The following KCNT1 variants were observed in gnomAD, a reference collection of about 807,000 sequenced individuals.
KCNT1 encodes potassium channel subfamily T member 1.
A neutral mutation model predicts 147.8 loss-of-function variants in KCNT1; 78 were observed. That is an observed-to-expected ratio of 0.53 (90% CI 0.44 to 0.64). The LOEUF (loss-of-function observed/expected upper bound fraction) is 0.64. Among genes scored for constraint, KCNT1 ranks in the 30% least tolerant of loss-of-function variants. The probability of loss-of-function intolerance (pLI) is 0.00; values close to 1 mark genes in which losing one functional copy is unlikely to be tolerated. For missense variants in KCNT1, 1,419 were observed against 1,750.3 expected, an observed-to-expected ratio of 0.81 and a Z score of 3.38; for synonymous variants, 867 against 748.8, an observed-to-expected ratio of 1.16 and a Z score of -2.58.
chr9:135,754,719 C>G (rs889444273), intron 5 of KCNT1, among the ~76,000 whole-genome samples: 1 of 152,178 alleles, frequency 6.6e-6, no homozygotes, highest in Non-Finnish European at 1.5e-5. Context: ...TCATGGGAGC[C>G]CGGCTTCAGG....
intron 19 of KCNT1, among the ~76,000 whole-genome samples, chr9:135,774,424 GTGT>G: frequency 7.3e-6 from 1 of 137,042 alleles, no homozygotes; most frequent in South Asian, 2.3e-4. Context: ...GTGTGTCTGT[GTGT>G]TGTGTGGTGT....
intron 29 of KCNT1, chr9:135,788,011 C>T (rs1834202896): frequency 4.1e-6 from 4 of 973,146 alleles, no homozygotes; most frequent in Non-Finnish European, 5.0e-6. Flanking sequence ...GCCCCTGCAC[C>T]CGCCCACTGT....
In KCNT1 at chr9:135,770,315, C is replaced by T. The variant is rs770986306; in HGVS notation, c.1637C>T (p.Pro546Leu). The change falls in exon 17 of 31, where the codon CCG becomes CTG. Residue 546 changes from proline to leucine, a missense_variant. This residue lies in a region of KCNT1 where 401 missense variants were observed against 610.6 expected (regional missense o/e 0.66). Coordinates refer to ENST00000371757, the MANE Select transcript of KCNT1 (RefSeq NM_020822.3). ...GCCCACAGGGAGGGACAGGAGTCTCCGGAGCAGTGGCAGCGCATGTATGGG... is the reference window on the plus strand; with the variant it reads ...GCCCACAGGGAGGGACAGGAGTCTCTGGAGCAGTGGCAGCGCATGTATGGG... Reference protein sequence around the residue: ...TSRGQEGQESPEQWQRMYGRC... With the variant: ...TSRGQEGQESLEQWQRMYGRC... The T allele has an allele frequency of 2.7e-5, 44 of 1,606,868 alleles. No individual in the cohort carries two copies. The highest frequency in any genetic ancestry group is 1.1e-4 in the East Asian group (5 of 44,812).
At chr9:135,791,974 C>T (rs1391029679) in intron 30 of KCNT1, 67 bp from the exon 31 acceptor site, 1 of 1,607,440 alleles carries the variant, frequency 6.2e-7, no homozygotes, top group Non-Finnish European at 8.5e-7. Context: ...TGGGGCCGCT[C>T]AGCAGAGGGC....
intron 13 of KCNT1, among the ~76,000 whole-genome samples, chr9:135,768,261 TGGGATACCGGTGGGGGGGGCACA>T (rs751199004): frequency 0.5 from 3,491 of 6,964 alleles, 603 homozygotes; most frequent in Admixed American, 0.57. Flanking sequence ...GGGGGGGCAC[TGGGATACCGGTGGGGGGGGCACA>T]GGGATGCCTG....
intron 2 of KCNT1, among the ~76,000 whole-genome samples, chr9:135,736,049 A>T (rs1830323638): frequency 6.6e-6 from 1 of 152,244 alleles, no homozygotes; most frequent in Admixed American, 6.5e-5. Flanking sequence ...CCAGCCTGGC[A>T]TACAGGCACC....
chr9:135,742,344 G>A (rs548937014), intron 2 of KCNT1, among the ~76,000 whole-genome samples: 11 of 152,338 alleles, frequency 7.2e-5, no homozygotes, highest in South Asian at 6.2e-4. Flanking sequence ...GGCTGGCTTC[G>A]TGCTGAGCAG....
intron 16 of KCNT1, 31 bp from the exon 17 acceptor site, chr9:135,770,267 G>A (rs373404220): frequency 1.5e-4 from 234 of 1,562,336 alleles, no homozygotes; most frequent in African/African-American, 1.4e-3. Context: ...GGCCGAGGGT[G>A]ACGCTCCCCT....
At chr9:135,707,879 C>G (rs566905563) in intron 1 of KCNT1, among the ~76,000 whole-genome samples, 85 of 152,330 alleles carry the variant, frequency 5.6e-4, no homozygotes, top group African/African-American at 2.0e-3. Context: ...GTGTTCTGAG[C>G]TTTCACTTTG....
chr9:135,786,558 G>A (rs1427466963), intron 29 of KCNT1, 37 bp downstream of exon 29: 4 of 1,523,422 alleles, frequency 2.6e-6, no homozygotes, highest in African/African-American at 1.4e-5. Flanking sequence ...CCGGACGGAC[G>A]GACTGGGCCA....
chr9:135,754,602 GC>G (rs1831369740), intron 5 of KCNT1, among the ~76,000 whole-genome samples: 2 of 152,322 alleles, frequency 1.3e-5, no homozygotes, highest in East Asian at 1.9e-4. Flanking sequence ...GGAGCAGATG[GC>G]CCCCTGCAGC....
At chr9:135,736,883 C>CG (rs1436104276) in intron 2 of KCNT1, 1 of 281,172 alleles carries the variant, frequency 3.6e-6, no homozygotes, top group East Asian at 5.4e-5. Context: ...GCCTGCAGCC[C>CG]GGGGAAGGGG....
At chr9:135,732,147 T>C (rs1327626670) in intron 2 of KCNT1, among the ~76,000 whole-genome samples, 2 of 150,878 alleles carry the variant, frequency 1.3e-5, no homozygotes, top group Admixed American at 1.3e-4. Context: ...GCCTCCCCAG[T>C]AGCTGGGATT....
rs1248555867 is a variant in KCNT1, at chr9:135,714,446, GCCGCCCGC to G, written c.111-123_111-116del. On this transcript the variant is annotated intron_variant, in intron 1 of 30. Coordinates refer to ENST00000371757, the MANE Select transcript of KCNT1 (RefSeq NM_020822.3). This position sits in a 1 kb window ranked among gnomAD's most constrained non-coding sequence, Gnocchi z 6.2. Reference sequence around the variant, plus strand: ...GTGCCGCCAGGCCCGCCCCCGCCCGGCCGCCCGCCCGCCCGGTGGGTCGCGGTGGCCGC... The same window carrying G: ...GTGCCGCCAGGCCCGCCCCCGCCCGGCCGCCCGGTGGGTCGCGGTGGCCGC... The G allele has an allele frequency of 2.1e-6, 1 of 480,866 alleles. No homozygotes were observed. The highest frequency in any genetic ancestry group is 1.6e-4 in the East Asian group (1 of 6,260). The allele number at this position is 480,866 out of a possible 1,614,324, so 29.8% of individuals were successfully genotyped here.
intron 15 of KCNT1, among the ~76,000 whole-genome samples, chr9:135,769,406 A>G (rs1308760299): frequency 6.6e-6 from 1 of 152,136 alleles, no homozygotes; most frequent in Non-Finnish European, 1.5e-5. Context: ...AGCTCCTCAC[A>G]CAAGCACACC....
chr9:135,767,770 C>T (rs558131952), intron 13 of KCNT1, among the ~76,000 whole-genome samples: 5 of 152,142 alleles, frequency 3.3e-5, no homozygotes, highest in East Asian at 2.0e-4. Context: ...CCCCCTCGCA[C>T]GACCTCCTGA....
In KCNT1 at chr9:135,770,004, G is replaced by A; in HGVS notation, c.1568G>A (p.Cys523Tyr). 1.3e-6 allele frequency: 2 copies of A among 1,557,452 alleles called. No individual in the cohort carries two copies. The highest frequency in any genetic ancestry group is 1.2e-5 in the South Asian group (1 of 84,442). Residue 523 changes from cysteine to tyrosine, a missense_variant, in exon 16 of 31, where the codon TGC (cysteine) becomes TAC (tyrosine). By Grantham distance (194) the Cys-to-Tyr change is radical. Transcript: ENST00000371757. ...GCCATGCTGGCGCTGAACTGCATCT[G>A]CCCGGCGACCTCCACCCTCATCACC... ...KYAMLALNCI[C>Y]PATSTLITLL... is the part of the protein sequence containing the mutation.
chr9:135,746,778 G>A (rs1238909129), intron 2 of KCNT1, among the ~76,000 whole-genome samples: 4 of 152,136 alleles, frequency 2.6e-5, no homozygotes, highest in Admixed American at 2.0e-4. Flanking sequence ...AGTGTGGGGC[G>A]ATGGTCAGGG....
In KCNT1 at chr9:135,795,361, C is replaced by T. The variant is rs1274339098; in HGVS notation, c.*3200C>T. On this transcript the variant is annotated 3_prime_UTR_variant, in exon 31 of 31. Coordinates refer to ENST00000371757, the MANE Select transcript of KCNT1 (RefSeq NM_020822.3). ...CAAGAGGCTGAGGAAGGAGGATCAC[C>T]TGAGCTGGGGAGGTTGAGGCTGCCG... The T allele has an allele frequency of 6.6e-6, 1 of 152,156 alleles. No individual in the cohort carries two copies. The highest frequency in any genetic ancestry group is 6.6e-5 in the Admixed American group (1 of 15,264). 9.4% of individuals were successfully genotyped at this position (152,156 alleles called of 1,614,324 possible).
Sources: allele counts gnomAD v4.1 joint callset (sites outside exome capture counted in the v4.1 genomes callset), GRCh38; gene constraint gnomAD v4.1.1; regional missense constraint gnomAD v4.1.1; non-coding constraint Gnocchi (gnomAD v3.1); transcripts MANE v1.5; gene names NCBI Gene and HGNC (gene_info 2026-07-23, HGNC 2026-07-21).